GTF2I: variants seen among roughly 807,000 people sequenced by gnomAD.
GTF2I encodes the protein general transcription factor IIi.
A neutral mutation model predicts 67.6 loss-of-function variants in GTF2I; 12 were observed. That is an observed-to-expected ratio of 0.18 (90% confidence interval 0.11 to 0.29). GTF2I has a LOEUF of 0.29. Among genes scored for constraint, GTF2I ranks in the 10% least tolerant of loss-of-function variants. GTF2I has a pLI of 1.00. For synonymous variants in GTF2I, 149 were observed against 197.0 expected, an observed-to-expected ratio of 0.76 and a Z score of 2.04; for missense variants, 271 against 580.1, an observed-to-expected ratio of 0.47 and a Z score of 5.47.
intron 1 of GTF2I, among the ~76,000 whole-genome samples, chr7:74,684,157 C>T (rs1787494501): frequency 3.9e-5 from 6 of 152,200 alleles, no homozygotes; most frequent in Admixed American, 6.5e-5. Flanking sequence ...ATGTGTAGTC[C>T]ATGTTGCCTG....
At chr7:74,700,932 G>T (rs937160570) in intron 6 of GTF2I, among the ~76,000 whole-genome samples, 12 of 152,226 alleles carry the variant, frequency 7.9e-5, no homozygotes, top group Non-Finnish European at 8.8e-5. Flanking sequence ...GCAAGACGTT[G>T]TTGGGCACAG....
In GTF2I at chr7:74,716,946, A is replaced by T; in HGVS notation, c.876A>T (p.Ala292=). ...AAGGCACAGAAATGGAAGTACCAGC[A>T]GAAGGTTAGGAGAAAAAGAGATTGC... The part of the protein sequence containing the change: ...GNEGTEMEVP[A]EDSTQHVPSE... The change falls in exon 11 of 35, where the codon GCA becomes GCT. Residue 292 remains alanine (A), a synonymous_variant. Transcript: ENST00000573035. The T allele has an allele frequency of 6.2e-7, 1 of 1,605,104 alleles. No individual in the cohort carries two copies. The highest frequency in any genetic ancestry group is 8.5e-7 in the Non-Finnish European group (1 of 1,174,000).
intron 1 of GTF2I, among the ~76,000 whole-genome samples, chr7:74,676,030 A>C (rs1193617626): frequency 2.0e-5 from 3 of 151,452 alleles, no homozygotes; most frequent in South Asian, 2.1e-4. Flanking sequence ...ACAAACAAAC[A>C]AACCAAATAA....
chr7:74,748,351 ACTTT>A (rs1398594479), intron 24 of GTF2I, among the ~76,000 whole-genome samples: 5 of 89,132 alleles, frequency 5.6e-5, no homozygotes, highest in African/African-American at 1.0e-4. Context: ...TAATAACATT[ACTTT>A]CTTTCTCATG....
chr7:74,678,314 C>A (rs1400481523), intron 1 of GTF2I, among the ~76,000 whole-genome samples: 1 of 151,074 alleles, frequency 6.6e-6, no homozygotes, highest in Non-Finnish European at 1.5e-5. Flanking sequence ...GGACAATATC[C>A]TAGTGGCAAT....
chr7:74,712,487 AGTGTGTGT>A (rs142200093), intron 9 of GTF2I, among the ~76,000 whole-genome samples: 10,561 of 131,742 alleles, frequency 0.08, 451 homozygotes, highest in Non-Finnish European at 0.089. Flanking sequence ...TTCTCCCGGG[AGTGTGTGT>A]GTGTGTGTGT....
chr7:74,719,052 G>A, intron 12 of GTF2I, 111 bp downstream of exon 12: 1 of 601,752 alleles, frequency 1.7e-6, no homozygotes, highest in Non-Finnish European at 2.9e-6. Flanking sequence ...AGACTTGTGG[G>A]ACGAATACAT....
At chr7:74,673,104 C>G (rs1246793921) in intron 1 of GTF2I, among the ~76,000 whole-genome samples, 10 of 152,128 alleles carry the variant, frequency 6.6e-5, no homozygotes, top group Non-Finnish European at 1.2e-4. Flanking sequence ...TCATGATCTG[C>G]CCGCCTTGGC....
intron 1 of GTF2I, among the ~76,000 whole-genome samples, chr7:74,675,495 C>G (rs36044436): frequency 0.81 from 122,882 of 151,936 alleles, 49,909 homozygotes; most frequent in East Asian, 0.95. Flanking sequence ...AATACTTTGG[C>G]AAAATGAAAA....
At position 74,674,408 on chromosome 7, in the gene GTF2I, A is replaced by G. The variant is rs587757908; in HGVS notation, c.-5-14716A>G. 2.0e-4 allele frequency among the ~76,000 whole-genome samples: 31 copies of G among 152,284 alleles called. No homozygotes were observed. The South Asian group carries it at 5.8e-3, about 29-fold the overall frequency. On this transcript the variant is annotated intron_variant, in intron 1 of 34. Transcript: ENST00000573035. Reference sequence around the variant, plus strand: ...TAGAAAATAGTTGCAAGAACAGCAAATAAACAAAACTTGCTCACATATCTT... The same window carrying G: ...TAGAAAATAGTTGCAAGAACAGCAAGTAAACAAAACTTGCTCACATATCTT...
intron 1 of GTF2I, among the ~76,000 whole-genome samples, chr7:74,677,232 A>G (rs1272959677): frequency 1.3e-5 from 2 of 152,324 alleles, no homozygotes; most frequent in East Asian, 1.9e-4. Flanking sequence ...AACTACTAGT[A>G]TTAGATCTTT....
At chr7:74,694,300 C>G (rs587663485) in intron 3 of GTF2I, among the ~76,000 whole-genome samples, 1 of 152,180 alleles carries the variant, frequency 6.6e-6, no homozygotes, top group East Asian at 1.9e-4. Flanking sequence ...AGGAAAGACA[C>G]AGTCAGCTGG....
At chr7:74,662,511 CTTTTTTTTTTT>C (rs1161320476) in intron 1 of GTF2I, among the ~76,000 whole-genome samples, 107 of 50,218 alleles carry the variant, frequency 2.1e-3, no homozygotes, top group Admixed American at 0.01. Flanking sequence ...CACCTGGACC[CTTTTTTTTTTT>C]TTTTTTTTTT....
At chr7:74,668,237 A>G (rs1369629187) in intron 1 of GTF2I, among the ~76,000 whole-genome samples, 1 of 133,066 alleles carries the variant, frequency 7.5e-6, no homozygotes, top group Non-Finnish European at 1.5e-5. Context: ...GGAATGTAGG[A>G]TATTATCAAG....
chr7:74,700,921 G>A (rs782112411), intron 6 of GTF2I, among the ~76,000 whole-genome samples: 14 of 152,176 alleles, frequency 9.2e-5, no homozygotes, highest in Non-Finnish European at 1.9e-4. Context: ...TCATCGACTC[G>A]GCAAGACGTT....
At chr7:74,732,336 T>G in intron 14 of GTF2I, 143 bp from the exon 15 acceptor site, 1 of 1,191,638 alleles carries the variant, frequency 8.4e-7, no homozygotes, top group African/African-American at 1.6e-5. Flanking sequence ...ATCACACCAC[T>G]GCACTGCAGC....
chr7:74,724,523 A>AT (rs1452226733), intron 12 of GTF2I, among the ~76,000 whole-genome samples: 1 of 152,216 alleles, frequency 6.6e-6, no homozygotes, highest in African/African-American at 2.4e-5. Context: ...CTAAACACAA[A>AT]TTTTGAGTTA....
chr7:74,683,398 T>C (rs1554394606), intron 1 of GTF2I, among the ~76,000 whole-genome samples: 1 of 152,230 alleles, frequency 6.6e-6, no homozygotes, highest in Non-Finnish European at 1.5e-5. Context: ...CCTAGGTTTC[T>C]ATTCCAGCGA....
At chr7:74,681,859 T>A (rs1554394225) in intron 1 of GTF2I, among the ~76,000 whole-genome samples, 1 of 151,824 alleles carries the variant, frequency 6.6e-6, no homozygotes, top group African/African-American at 2.4e-5. Context: ...TTGCAGTGAG[T>A]TGAGATTGTG....
Sources: gnomAD v4.1 joint callset for allele counts (sites outside exome capture counted in the v4.1 genomes callset) on GRCh38, gnomAD v4.1.1 for gene constraint, MANE v1.5 for transcripts, NCBI Gene and HGNC (gene_info 2026-07-23, HGNC 2026-07-21) for gene names.